SLC5A2: variants seen among roughly 807,000 people sequenced by gnomAD.
SLC5A2 encodes sodium/glucose cotransporter 2.
SLC5A2 carries 67 observed loss-of-function variants against 69.0 expected under a neutral mutation model. The observed-to-expected ratio is 0.97, with a 90% CI of 0.80 to 1.19. The LOEUF is 1.19. Ranked by LOEUF, SLC5A2 falls within the 50% of genes most tolerant of loss-of-function variation. The pLI is 0.00. For missense variants in SLC5A2, 1,001 were observed against 921.5 expected, an observed-to-expected ratio of 1.09 and a Z score of -1.12; for synonymous variants, 455 against 395.8, an observed-to-expected ratio of 1.15 and a Z score of -1.78.
At chr16:31,484,256 A>ACACG (rs1284793200) in intron 1 of SLC5A2, among the ~76,000 whole-genome samples, 1,643 of 145,718 alleles carry the variant, frequency 0.011, 228 homozygotes, top group African/African-American at 0.032. Flanking sequence ...ACACACACAC[A>ACACG]CGCACACACA....
Position 31,487,756 on chromosome 16 carries a change from C to T in SLC5A2, c.882C>T (p.Asp294=). 1 of 1,608,228 alleles carries T rather than the reference C, an allele frequency of 6.2e-7. No homozygotes were observed. The highest frequency in any genetic ancestry group is 1.7e-5 in the Admixed American group (1 of 59,902). Residue 294 remains aspartate, a synonymous_variant, in exon 7 of 14, where the codon GAC becomes GAT. Coordinates refer to ENST00000330498, the MANE Select transcript of SLC5A2 (RefSeq NM_003041.4). Reference sequence around the variant, plus strand: ...TCTCGGGCTGGTACTGGTGCAGCGACCAGGTGCGGGTATAGGGCTGCGCCT... The same window carrying T: ...TCTCGGGCTGGTACTGGTGCAGCGATCAGGTGCGGGTATAGGGCTGCGCCT... The part of the protein sequence containing the change: ...TIVSGWYWCS[D]QVIVQRCLAG...
In SLC5A2 at chr16:31,484,865, T is replaced by G. The variant is rs2082483514; in HGVS notation, c.245T>G (p.Val82Gly). The stretch of plus-strand genomic sequence containing the variant: ...AGCAACATCGGCAGTGGCCACTTTG[T>G]GGGCCTGGCAGGGACTGGCGCTGCA... ...FASNIGSGHF[V>G]GLAGTGAASG... The change falls in exon 3 of 14, where the codon GTG (valine) becomes GGG (glycine). Residue 82 changes from valine (V) to glycine (G), a missense_variant. By Grantham distance (109) the Val-to-Gly change is moderately radical. Coordinates refer to ENST00000330498, the MANE Select transcript of SLC5A2 (RefSeq NM_003041.4). 2.5e-6 allele frequency: 4 copies of G among 1,614,034 alleles called. No homozygotes were observed. The highest frequency in any genetic ancestry group is 3.4e-6 in the Non-Finnish European group (4 of 1,180,060).
Position 31,489,027 on chromosome 16 carries a change from C to T in SLC5A2, c.1428C>T (p.Phe476=). 2 of 1,600,784 alleles carry T rather than the reference C, an allele frequency of 1.2e-6. No individual in the cohort carries two copies. Among genetic ancestry groups the T allele is most frequent in the Non-Finnish European group, 8.5e-7 (1 of 1,179,836 alleles). ...CCGCCGTCTTCGTGCTGGCGCTCTT[C>T]GTGCCGCGCGTTAATGAGCAGGTGA... ...PVSAVFVLAL[F]VPRVNEQGAF... is the part of the protein sequence containing the mutation. Residue 476 remains phenylalanine (F), a synonymous_variant, in exon 11 of 14, where the codon TTC becomes TTT. Transcript: ENST00000330498.
intron 7 of SLC5A2, 120 bp downstream of exon 7, chr16:31,487,879 T>C (rs1322358193): frequency 1.4e-6 from 2 of 1,401,044 alleles, no homozygotes; most frequent in African/African-American, 2.8e-5. Flanking sequence ...CGGGAACCCC[T>C]CGGGTTGGTG....
chr16:31,486,641 C>A (rs947247537), intron 5 of SLC5A2, among the ~76,000 whole-genome samples: 1 of 152,174 alleles, frequency 6.6e-6, no homozygotes, highest in African/African-American at 2.4e-5. Flanking sequence ...AGGTCAGATG[C>A]GGACCAGAGT....
chr16:31,489,859 C>T (rs1275510937), intron 12 of SLC5A2: 1 of 542,076 alleles, frequency 1.8e-6, no homozygotes, highest in Non-Finnish European at 3.4e-6. Flanking sequence ...GTAGACAGAC[C>T]TGAGCTGACA....
chr16:31,488,502 C>G lies in SLC5A2; in HGVS notation c.1129+12C>G. 6.2e-7 allele frequency: 1 copy of G among 1,604,830 alleles called. No individual in the cohort carries two copies. Among genetic ancestry groups the G allele is most frequent in the Non-Finnish European group, 8.5e-7 (1 of 1,176,996 alleles). On this transcript the variant is annotated intron_variant, in intron 9 of 13. Transcript: ENST00000330498. The stretch of plus-strand genomic sequence containing the variant: ...GCTCATGCCCAACGGTAAGGGCAGC[C>G]CCGGGCCACAGGCGCAAGCTCGCTG...
At position 31,485,732 on chromosome 16, in the gene SLC5A2, C is replaced by T; in HGVS notation, c.307C>T (p.Leu103Phe). The T allele has an allele frequency of 6.2e-7, 1 of 1,613,340 alleles. No individual in the cohort carries two copies. The highest frequency in any genetic ancestry group is 1.1e-5 in the South Asian group (1 of 91,084). The change falls in exon 4 of 14, where the codon CTC becomes TTC. Residue 103 changes from leucine (L) to phenylalanine (F), a missense_variant. Transcript: ENST00000330498. Reference protein sequence around the residue: ...LAVAGFEWNALFVVLLLGWLF... With the variant: ...LAVAGFEWNAFFVVLLLGWLF... ...GCGGCAGTACTGCCCCCCGTAGGCG[C>T]TCTTCGTGGTGCTGCTACTGGGCTG...
rs903431943 is a variant in SLC5A2 at position 31,484,936 on chromosome 16, T to G, written c.303+13T>G. The stretch of plus-strand genomic sequence containing the variant: ...ATTCGAGTGGAATGTGAGGCCCTCT[T>G]TTTTCCAATAACCCCACCCTCAGTG... On this transcript the variant is annotated intron_variant, in intron 3 of 13. Transcript: ENST00000330498. The G allele has an allele frequency of 5.0e-6, 8 of 1,610,146 alleles. No homozygotes were observed. The African/African-American group carries it at 8.0e-5, about 16-fold the overall frequency.
chr16:31,485,531 C>T (rs1289059932), intron 3 of SLC5A2, 198 bp from the exon 4 acceptor site: 2 of 627,174 alleles, frequency 3.2e-6, no homozygotes, highest in African/African-American at 1.8e-5. Flanking sequence ...ACAAGGAGGG[C>T]TCCAGTTAAG....
rs1031747869 is a variant in SLC5A2 at position 31,485,789 on chromosome 16, G to T, written c.364G>T (p.Val122Phe). Residue 122 changes from valine (V) to phenylalanine (F), a missense_variant, in exon 4 of 14, where the codon GTC (valine) becomes TTC (phenylalanine). Transcript: ENST00000330498. ...TGCACCCGTGTACCTGACAGCGGGG[G>T]TCATCACGATGCCACAGTACCTGCG... The part of the protein sequence containing the change: ...LFAPVYLTAG[V>F]ITMPQYLRKR... 1.9e-6 allele frequency: 3 copies of T among 1,613,580 alleles called. No homozygotes were observed. Among genetic ancestry groups the T allele is most frequent in the African/African-American group, 2.7e-5 (2 of 74,950 alleles).
chr16:31,488,236 C>T, intron 8 of SLC5A2, 63 bp downstream of exon 8: 1 of 1,612,822 alleles, frequency 6.2e-7, no homozygotes, highest in Non-Finnish European at 8.5e-7. Flanking sequence ...CCAGTTCCGT[C>T]ACCCTCCTAA....
In SLC5A2 at chr16:31,483,495, C is replaced by T. The variant is rs991321984; in HGVS notation, c.126+233C>T. On this transcript the variant is annotated intron_variant, in intron 1 of 13. Coordinates refer to ENST00000330498, the MANE Select transcript of SLC5A2 (RefSeq NM_003041.4). ...GGGGTCCGCGGATTTTCATCAGGGTCGACATTCTAAATGGGGTCTCATTCC... is the reference window on the plus strand; with the variant it reads ...GGGGTCCGCGGATTTTCATCAGGGTTGACATTCTAAATGGGGTCTCATTCC... 1.2e-4 allele frequency among the ~76,000 whole-genome samples: 19 copies of T among 152,086 alleles called. 1 individual carries two copies. Among genetic ancestry groups the T allele is most frequent in the Admixed American group, 9.8e-4 (15 of 15,274 alleles).
At position 31,490,681 on chromosome 16, in the gene SLC5A2, C is replaced by G. The variant is rs924779569; in HGVS notation, c.*146C>G. The G allele has an allele frequency of 1.5e-5, 16 of 1,093,414 alleles. No individual in the cohort carries two copies. The African/African-American group carries it at 2.2e-4, about 15-fold the overall frequency. 67.7% of individuals were successfully genotyped at this position (1,093,414 alleles called of 1,614,324 possible). The stretch of plus-strand genomic sequence containing the variant: ...CCGGCCTTCCTCTGCCTGGGGCCCA[C>G]TGCATCTGATTGGCAGTCACTTCCC... On this transcript the variant is annotated 3_prime_UTR_variant, in exon 14 of 14. Coordinates refer to ENST00000330498, the MANE Select transcript of SLC5A2 (RefSeq NM_003041.4).
At chr16:31,489,668 AG>A in intron 12 of SLC5A2, 1 of 485,202 alleles carries the variant, frequency 2.1e-6, no homozygotes, top group Non-Finnish European at 3.8e-6. Flanking sequence ...TTGTTGCCAA[AG>A]GGCAGGTGGC....
At position 31,488,664 on chromosome 16, in the gene SLC5A2, T is replaced by A; in HGVS notation, c.1172T>A (p.Met391Lys). 1.2e-6 allele frequency: 2 copies of A among 1,612,524 alleles called. No homozygotes were observed. The highest frequency in any genetic ancestry group is 1.7e-6 in the Non-Finnish European group (2 of 1,179,556). The change falls in exon 10 of 14, where the codon ATG (methionine) becomes AAG (lysine). Residue 391 changes from methionine to lysine, a missense_variant. By Grantham distance (95) the Met-to-Lys change is moderately conservative. Transcript: ENST00000330498. ...CTGGCGGTCATGCTGGCCGCGCTCA[T>A]GTCCTCGCTGGCCTCCATCTTCAAC... ...LMLAVMLAALMSSLASIFNSS... is the reference protein window; with the variant it reads ...LMLAVMLAALKSSLASIFNSS...
In SLC5A2 at chr16:31,490,409, G is replaced by A. The variant is rs777588302; in HGVS notation, c.1893G>A (p.Glu631=). Residue 631 remains glutamate (E), a synonymous_variant, in exon 14 of 14, where the codon GAG becomes GAA. Transcript: ENST00000330498. ...GVGSPPPLTQ[E]EAAAAARRLE... ...GCAGTCCTCCGCCCCTTACCCAGGAGGAGGCAGCGGCAGCAGCCAGGCGGC... is the reference window on the plus strand; with the variant it reads ...GCAGTCCTCCGCCCCTTACCCAGGAAGAGGCAGCGGCAGCAGCCAGGCGGC... 2 of 1,613,700 alleles carry A rather than the reference G, an allele frequency of 1.2e-6. No individual in the cohort carries two copies. Among genetic ancestry groups the A allele is most frequent in the African/African-American group, 1.3e-5 (1 of 74,946 alleles).
At chr16:31,488,833 G>A in intron 10 of SLC5A2, 47 bp from the exon 11 acceptor site, 1 of 1,601,680 alleles carries the variant, frequency 6.2e-7, no homozygotes. Context: ...TTGCGCACCT[G>A]CAGGGGAGCC....
chr16:31,490,292 G>T lies in SLC5A2; in HGVS notation c.1793-17G>T, dbSNP rs764455043. On this transcript the variant is annotated splice_polypyrimidine_tract_variant and intron_variant, in intron 13 of 13. Coordinates refer to ENST00000330498, the MANE Select transcript of SLC5A2 (RefSeq NM_003041.4). ...TGAGTTCCCGCAAACTAACTGCAGG[G>T]CCTCAATTTCCCTCAGAGCCCCAGG... 1.9e-6 allele frequency: 3 copies of T among 1,613,380 alleles called. No individual in the cohort carries two copies. Among genetic ancestry groups the T allele is most frequent in the Non-Finnish European group, 2.5e-6 (3 of 1,179,744 alleles).
Sources: gnomAD v4.1 joint callset for allele counts (sites outside exome capture counted in the v4.1 genomes callset) on GRCh38, gnomAD v4.1.1 for gene constraint, MANE v1.5 for transcripts, NCBI Gene and HGNC (gene_info 2026-07-23, HGNC 2026-07-21) for gene names.